The following CYFIP1 variants were observed in gnomAD, a reference collection of about 807,000 sequenced individuals.
CYFIP1 encodes cytoplasmic FMR1 interacting protein 1.
Under a neutral mutation model 163.5 loss-of-function variants are expected in CYFIP1, and 58 were observed. The ratio of observed to expected loss-of-function variants is 0.35; its 90% CI spans 0.29 to 0.44. The LOEUF (loss-of-function observed/expected upper bound fraction) is 0.44, where lower values mean the gene tolerates loss of function less well. Ranked by LOEUF, CYFIP1 falls within the 20% of genes least tolerant of loss-of-function variation. The pLI is 1.00. For synonymous variants in CYFIP1, 663 were observed against 660.7 expected (o/e 1.00, Z -0.05); for missense variants, 1,338 against 1,653.8 (o/e 0.81, Z 3.31).
intron 3 of CYFIP1, among the ~76,000 whole-genome samples, chr15:22,945,968 G>A (rs1052075257): frequency 9.2e-5 from 14 of 152,094 alleles, no homozygotes; most frequent in Non-Finnish European, 1.8e-4. Flanking sequence ...AATGGTTTAC[G>A]TAGCCATTAA....
At chr15:22,973,949 G>A (rs1342613054) in intron 1 of CYFIP1, among the ~76,000 whole-genome samples, 4 of 152,118 alleles carry the variant, frequency 2.6e-5, no homozygotes, top group Non-Finnish European at 5.9e-5. Flanking sequence ...AATCATCAGG[G>A]AATCCAAATC....
At chr15:22,971,019 T>C (rs1185930642) in intron 1 of CYFIP1, among the ~76,000 whole-genome samples, 2 of 151,872 alleles carry the variant, frequency 1.3e-5, no homozygotes, top group Non-Finnish European at 2.9e-5. Flanking sequence ...GAGCTTGCAG[T>C]GAGCCGAGAT....
chr15:22,882,003 G>A (rs1193636094), intron 24 of CYFIP1, 67 bp from the exon 25 acceptor site: 13 of 1,381,986 alleles, frequency 9.4e-6, no homozygotes, highest in African/African-American at 2.8e-5. Context: ...TGTGGCCGGC[G>A]CATACCCTGA....
At chr15:22,951,376 G>T (rs1392861775) in intron 1 of CYFIP1, 3 of 1,270,510 alleles carry the variant, frequency 2.4e-6, no homozygotes, top group Non-Finnish European at 3.1e-6. Flanking sequence ...GTGCAGGGCA[G>T]CCCCGGCCGG....
chr15:22,883,709 C>G (rs557685823), intron 23 of CYFIP1, among the ~76,000 whole-genome samples: 2 of 147,804 alleles, frequency 1.4e-5, no homozygotes, highest in South Asian at 2.2e-4. Context: ...CCCAGCTACT[C>G]GGGAGGCTGA....
At chr15:22,945,711 T>A (rs2140108621) in intron 3 of CYFIP1, among the ~76,000 whole-genome samples, 1 of 152,036 alleles carries the variant, frequency 6.6e-6, no homozygotes, top group East Asian at 1.9e-4. Context: ...GTAGCTGGGA[T>A]TACAGGTGTG....
Position 22,939,197 on chromosome 15 carries a change from G to C in CYFIP1, c.790C>G (p.Leu264Val), listed in dbSNP as rs778679621. 217 of 1,614,058 alleles carry C rather than the reference G, an allele frequency of 1.3e-4. No homozygotes were observed. The highest frequency in any genetic ancestry group is 1.8e-4 in the Non-Finnish European group (207 of 1,180,038). The change falls in exon 8 of 31, where the codon CTC (leucine) becomes GTC (valine). Residue 264 changes from leucine (L) to valine (V), a missense_variant. Around this residue, in one of 4 missense-constraint regions of CYFIP1, gnomAD observed 824 missense variants for 995.7 expected, o/e 0.83. Transcript: ENST00000617928. ...YLTPSEKHML[L>V]KVMGFGLYLM... ...TAGCGTCCCCACACACGTACTTTGA[G>C]AAGCATGTGTTTCTCACTGGGCGTC...
chr15:22,964,689 C>T (rs2062842212), intron 1 of CYFIP1, among the ~76,000 whole-genome samples: 1 of 152,208 alleles, frequency 6.6e-6, no homozygotes, highest in Admixed American at 6.5e-5. Context: ...CAGCCGCTTG[C>T]ACTTCGTGAA....
chr15:22,977,858 CATAAA>C (rs2063329472), intron 1 of CYFIP1, among the ~76,000 whole-genome samples: 1 of 151,670 alleles, frequency 6.6e-6, no homozygotes, highest in East Asian at 1.9e-4. Flanking sequence ...AATAACATAA[CATAAA>C]AGAAAAGAAA....
intron 17 of CYFIP1, among the ~76,000 whole-genome samples, chr15:22,912,701 T>A (rs1395131899): frequency 6.6e-6 from 1 of 152,038 alleles, no homozygotes; most frequent in African/African-American, 2.4e-5. Flanking sequence ...GGCAGATCAC[T>A]TGATTGAGGT....
rs1329246863 is a variant in CYFIP1, at chr15:22,927,939, C to T, written c.1200G>A (p.Leu400=). The T allele has an allele frequency of 6.2e-7, 1 of 1,606,714 alleles. No individual in the cohort carries two copies. Among genetic ancestry groups the T allele is most frequent in the African/African-American group, 1.3e-5 (1 of 74,520 alleles). ...LFDLALQGLQ[L]LSQWSAHVME... ...TCACGTGCGCGCTCCACTGCGACAA[C>T]AGCTGCAGGCCCTGCAGCGCCAGGT... The change falls in exon 12 of 31, where the codon CTG becomes CTA. Residue 400 remains leucine (L), a synonymous_variant. Transcript: ENST00000617928.
chr15:22,928,817 T>C (rs897579402), intron 11 of CYFIP1, among the ~76,000 whole-genome samples: 33 of 152,244 alleles, frequency 2.2e-4, no homozygotes, highest in African/African-American at 6.5e-4. Context: ...ATGCAATGCC[T>C]AGAAGTCAAA....
At chr15:22,893,303 A>G (rs1415936721) in intron 22 of CYFIP1, among the ~76,000 whole-genome samples, 5 of 152,186 alleles carry the variant, frequency 3.3e-5, no homozygotes, top group African/African-American at 1.2e-4. Flanking sequence ...ACGGTGGGGC[A>G]GCTGCCTGTG....
intron 30 of CYFIP1, among the ~76,000 whole-genome samples, chr15:22,870,986 G>A (rs957143827): frequency 2.0e-5 from 3 of 151,744 alleles, no homozygotes; most frequent in Non-Finnish European, 4.4e-5. Flanking sequence ...GGAAGCCAGG[G>A]CCTCCTCAGG....
At chr15:22,916,658 G>A (rs777222550) in intron 15 of CYFIP1, 28 bp from the exon 16 acceptor site, 27 of 1,614,118 alleles carry the variant, frequency 1.7e-5, no homozygotes, top group East Asian at 1.6e-4. Flanking sequence ...ACATTTGTGG[G>A]GGAGAAAATA....
chr15:22,953,951 G>A (rs1391819127), intron 1 of CYFIP1, among the ~76,000 whole-genome samples: 1 of 152,190 alleles, frequency 6.6e-6, no homozygotes, highest in Admixed American at 6.5e-5. Flanking sequence ...AGCTACTCGG[G>A]AGGCTGAGGC....
At chr15:22,874,101 C>T (rs903459318) in intron 28 of CYFIP1, among the ~76,000 whole-genome samples, 1 of 152,178 alleles carries the variant, frequency 6.6e-6, no homozygotes, top group Admixed American at 6.5e-5. Flanking sequence ...AGGGATGCTG[C>T]TAACCATCCT....
intron 22 of CYFIP1, among the ~76,000 whole-genome samples, chr15:22,902,861 C>G (rs529762523): frequency 1.3e-5 from 2 of 152,290 alleles, no homozygotes; most frequent in Non-Finnish European, 2.9e-5. Flanking sequence ...AGGACTGGGC[C>G]GTGGGGCAGC....
Position 22,868,256 on chromosome 15 carries a change from C to G in CYFIP1, c.*1772G>C, listed in dbSNP as rs2059279448. On this transcript the variant is annotated 3_prime_UTR_variant, in exon 31 of 31. Coordinates refer to ENST00000617928, the MANE Select transcript of CYFIP1 (RefSeq NM_014608.6). ...ATGCCATTTTAATACTACAGATGTA[C>G]TACGTATCTGTTTATATACTGTACC... The G allele has an allele frequency of 6.6e-6, 1 of 152,134 alleles. No homozygotes were observed. Among genetic ancestry groups the G allele is most frequent in the Non-Finnish European group, 1.5e-5 (1 of 68,042 alleles). 9.4% of individuals were successfully genotyped at this position (152,134 alleles called of 1,614,324 possible). A position where few individuals can be genotyped will look rare whatever the true frequency, so the allele number is the denominator to read the frequency against.
Sources: gnomAD v4.1 joint callset for allele counts (sites outside exome capture counted in the v4.1 genomes callset) on GRCh38, gnomAD v4.1.1 for gene constraint, gnomAD v4.1.1 regional missense constraint, MANE v1.5 for transcripts, NCBI Gene and HGNC (gene_info 2026-07-23, HGNC 2026-07-21) for gene names.